MGLL: variants seen among roughly 807,000 people sequenced by gnomAD.
MGLL encodes the protein lysophospholipase homolog.
MGLL carries 7 observed loss-of-function variants against 29.1 expected under a neutral mutation model. That is an observed-to-expected ratio of 0.24 (90% CI 0.14 to 0.45). The LOEUF is 0.45. Ranked by LOEUF, MGLL falls within the 20% of genes least tolerant of loss-of-function variation. MGLL has a pLI of 0.99. For synonymous variants in MGLL, 148 were observed against 168.3 expected, an observed-to-expected ratio of 0.88 and a Z score of 0.93; for missense variants, 356 against 413.6, an observed-to-expected ratio of 0.86 and a Z score of 1.21.
chr3:127,703,054 C>G (rs941625226), intron 6 of MGLL, among the ~76,000 whole-genome samples: 1 of 152,190 alleles, frequency 6.6e-6, no homozygotes, highest in Non-Finnish European at 1.5e-5. Flanking sequence ...GTCGCAGCCC[C>G]GGCAAATGGG....
chr3:127,694,162 CAG>C (rs2075300605), intron 7 of MGLL, among the ~76,000 whole-genome samples: 1 of 150,034 alleles, frequency 6.7e-6, no homozygotes, highest in African/African-American at 2.5e-5. Flanking sequence ...CCCAGCTACT[CAG>C]GGGGCTGAGG....
intron 3 of MGLL, among the ~76,000 whole-genome samples, chr3:127,767,395 T>C (rs1228948714): frequency 2.0e-5 from 3 of 152,222 alleles, no homozygotes; most frequent in Non-Finnish European, 4.4e-5. Flanking sequence ...ACCAATTGTT[T>C]ATAATTGCAG....
intron 2 of MGLL, among the ~76,000 whole-genome samples, chr3:127,807,150 T>C (rs904140451): frequency 1.3e-5 from 2 of 152,188 alleles, no homozygotes; most frequent in African/African-American, 4.8e-5. Context: ...TTTTTAGTTT[T>C]GGTTTTGTTT....
intron 3 of MGLL, among the ~76,000 whole-genome samples, chr3:127,725,835 G>T (rs907436440): frequency 1.3e-4 from 20 of 152,262 alleles, no homozygotes; most frequent in South Asian, 4.1e-4. Flanking sequence ...GGAGGCCAGG[G>T]TGGAAAGATC....
At chr3:127,702,031 G>A (rs1265856572) in intron 6 of MGLL, among the ~76,000 whole-genome samples, 1 of 152,212 alleles carries the variant, frequency 6.6e-6, no homozygotes, top group African/African-American at 2.4e-5. Context: ...GGTCCACACT[G>A]TGCTAGGTGG....
chr3:127,815,978 G>A (rs2077748105), intron 2 of MGLL, among the ~76,000 whole-genome samples: 1 of 152,210 alleles, frequency 6.6e-6, no homozygotes, highest in African/African-American at 2.4e-5. Flanking sequence ...GGAGAGGAGA[G>A]CAAGGAGCCG....
chr3:127,728,354 CATCT>C (rs1415209488), intron 3 of MGLL, among the ~76,000 whole-genome samples: 3 of 152,180 alleles, frequency 2.0e-5, no homozygotes, highest in Admixed American at 2.0e-4. Context: ...TCTAGTCTAT[CATCT>C]ATCTATTCTC....
At chr3:127,758,827 A>C (rs1290892471) in intron 3 of MGLL, among the ~76,000 whole-genome samples, 1 of 152,176 alleles carries the variant, frequency 6.6e-6, no homozygotes, top group Non-Finnish European at 1.5e-5. Flanking sequence ...GCAAAAGTGC[A>C]CTGGCTGTAA....
chr3:127,810,828 T>A (rs2077649590), intron 2 of MGLL, among the ~76,000 whole-genome samples: 1 of 152,000 alleles, frequency 6.6e-6, no homozygotes, highest in Non-Finnish European at 1.5e-5. Context: ...GTTGAACCAT[T>A]CCCCCACCCA....
chr3:127,700,947 G>A (rs1004853714), intron 6 of MGLL, among the ~76,000 whole-genome samples: 55 of 152,276 alleles, frequency 3.6e-4, no homozygotes, highest in African/African-American at 1.3e-3. Flanking sequence ...GGGCACGGTG[G>A]TGCATGCCTG....
Position 127,738,553 on chromosome 3 carries a change from G to C in MGLL, c.263-15987C>G, listed in dbSNP as rs149632926. Reference sequence around the variant, plus strand: ...ACAGGCAGAAGGAGGTCCTGGGCAGGAGCCATCTGCCAGGCTGGAGCACCC... The same window carrying C: ...ACAGGCAGAAGGAGGTCCTGGGCAGCAGCCATCTGCCAGGCTGGAGCACCC... On this transcript the variant is annotated intron_variant, in intron 3 of 7. Transcript: ENST00000265052. 5.6e-3 allele frequency among the ~76,000 whole-genome samples: 860 copies of C among 152,252 alleles called. 6 individuals carry two copies. The highest frequency in any genetic ancestry group is 9.7e-3 in the Non-Finnish European group (659 of 68,000).
intron 5 of MGLL, chr3:127,715,527 G>C (rs924970874): frequency 5.4e-6 from 2 of 370,858 alleles, no homozygotes; most frequent in Admixed American, 3.3e-5. Context: ...AACTGCAAAA[G>C]AGATCCCCTT....
intron 7 of MGLL, among the ~76,000 whole-genome samples, chr3:127,694,280 AAAAAAAAT>A (rs1427920403): frequency 1.7e-5 from 2 of 117,208 alleles, no homozygotes; most frequent in African/African-American, 6.1e-5. Flanking sequence ...AAAAAAAAAA[AAAAAAAAT>A]ATATATATAT....
At chr3:127,717,424 T>A (rs1417103838) in intron 5 of MGLL, among the ~76,000 whole-genome samples, 6 of 152,242 alleles carry the variant, frequency 3.9e-5, no homozygotes, top group Non-Finnish European at 8.8e-5. Context: ...TTTGGCCTCA[T>A]TTCCTTGTCT....
chr3:127,736,551 T>C (rs1211492127), intron 3 of MGLL, among the ~76,000 whole-genome samples: 1 of 152,182 alleles, frequency 6.6e-6, no homozygotes, highest in Non-Finnish European at 1.5e-5. Flanking sequence ...AATGAATGAA[T>C]AAGCACTATT....
chr3:127,717,885 C>A (rs144381222), intron 5 of MGLL, among the ~76,000 whole-genome samples: 82 of 152,298 alleles, frequency 5.4e-4, no homozygotes, highest in African/African-American at 1.9e-3. Context: ...CAGGCACGAG[C>A]CGCGAGCCAT....
intron 3 of MGLL, among the ~76,000 whole-genome samples, chr3:127,747,623 T>A (rs2076472919): frequency 6.6e-6 from 1 of 152,194 alleles, no homozygotes; most frequent in Non-Finnish European, 1.5e-5. Flanking sequence ...CGGAGACTTG[T>A]AAGCACAGGG....
intron 2 of MGLL, among the ~76,000 whole-genome samples, chr3:127,816,543 G>A (rs1364066787): frequency 6.6e-6 from 1 of 152,184 alleles, no homozygotes; most frequent in Non-Finnish European, 1.5e-5. Context: ...ACCCGTGTCT[G>A]GCTGGGGGCT....
At chr3:127,741,751 A>G (rs1032760461) in intron 3 of MGLL, among the ~76,000 whole-genome samples, 2 of 152,228 alleles carry the variant, frequency 1.3e-5, no homozygotes, top group African/African-American at 4.8e-5. Flanking sequence ...CTACAGGAAG[A>G]TCGTGCAAGC....
Sources: gnomAD v4.1 joint callset for allele counts (sites outside exome capture counted in the v4.1 genomes callset) on GRCh38, gnomAD v4.1.1 for gene constraint, MANE v1.5 for transcripts, NCBI Gene and HGNC (gene_info 2026-07-23, HGNC 2026-07-21) for gene names.